The following PLEKHA7 variants were observed in gnomAD, a reference collection of about 807,000 sequenced individuals.
PLEKHA7 encodes the protein pleckstrin homology domain-containing family A member 7.
In PLEKHA7, 104 loss-of-function variants were observed where a neutral mutation model predicts 170.0. The ratio of observed to expected loss-of-function variants is 0.61; its 90% CI spans 0.52 to 0.72. The LOEUF (loss-of-function observed/expected upper bound fraction) is 0.72. Among genes scored for constraint, PLEKHA7 ranks in the 30% least tolerant of loss-of-function variants. PLEKHA7 has a pLI of 0.00. For synonymous variants in PLEKHA7, 648 were observed against 660.8 expected (o/e 0.98, Z 0.30); for missense variants, 1,615 against 1,671.7 (o/e 0.97, Z 0.59).
intron 3 of PLEKHA7, among the ~76,000 whole-genome samples, chr11:16,930,128 C>A (rs1215420676): frequency 6.6e-6 from 1 of 152,174 alleles, no homozygotes; most frequent in Non-Finnish European, 1.5e-5. Context: ...ACATTTTGAG[C>A]TTTCCAAGAA....
At chr11:16,863,298 A>T (rs1008586595) in intron 4 of PLEKHA7, among the ~76,000 whole-genome samples, 16 of 152,192 alleles carry the variant, frequency 1.1e-4, no homozygotes, top group African/African-American at 3.9e-4. Flanking sequence ...CGCTCACAAC[A>T]TTCCAGGAAA....
rs1309774494 is a variant in PLEKHA7, at chr11:16,960,745, C to CG, written c.221+53243dup. 2.6e-5 allele frequency among the ~76,000 whole-genome samples: 4 copies of CG among 152,264 alleles called. No homozygotes were observed. The East Asian group carries it at 7.7e-4, about 29-fold the overall frequency. On this transcript the variant is annotated intron_variant, in intron 3 of 26. Coordinates refer to ENST00000531066, the MANE Select transcript of PLEKHA7 (RefSeq NM_001329630.2). Reference sequence around the variant, plus strand: ...TTAAATAATAAATAACAAACAACAACGACTGTGTAACAGCTACACCCCATG... The same window carrying CG: ...TTAAATAATAAATAACAAACAACAACGGACTGTGTAACAGCTACACCCCATG...
At chr11:16,807,908 C>T (rs1482765355) in intron 13 of PLEKHA7, among the ~76,000 whole-genome samples, 1 of 152,186 alleles carries the variant, frequency 6.6e-6, no homozygotes, top group East Asian at 1.9e-4. Flanking sequence ...AAACACTCTC[C>T]TGAGTGATTC....
rs142707808 is a variant in PLEKHA7, at chr11:16,826,222, C to T, written c.1241G>A (p.Arg414Gln). Residue 414 changes from arginine (R) to glutamine (Q), a missense_variant, in exon 10 of 27, where the codon CGG becomes CAG. Coordinates refer to ENST00000531066, the MANE Select transcript of PLEKHA7 (RefSeq NM_001329630.2). Reference protein sequence around the residue: ...GEQNGTGGYQRAFPPRTNPEK... With the variant: ...GEQNGTGGYQQAFPPRTNPEK... ...AGGGTTGGTCCTGGGAGGAAAGGCC[C>T]GCTGGTACCCACCAGTCCCATTCTG... is the stretch of plus-strand genomic sequence containing the variant. 4.9e-5 allele frequency: 79 copies of T among 1,614,222 alleles called. No homozygotes were observed. The highest frequency in any genetic ancestry group is 2.2e-4 in the Admixed American group (13 of 60,024).
intron 3 of PLEKHA7, among the ~76,000 whole-genome samples, chr11:16,942,901 T>C (rs1433672636): frequency 6.6e-6 from 1 of 152,230 alleles, no homozygotes; most frequent in African/African-American, 2.4e-5. Flanking sequence ...TTCTATTTCA[T>C]AAATTTCTAC....
chr11:16,786,741 C>T, intron 23 of PLEKHA7: 1 of 985,434 alleles, frequency 1.0e-6, no homozygotes, highest in Non-Finnish European at 1.2e-6. Flanking sequence ...CCCTTCCACT[C>T]TCTACAGCTG....
intron 3 of PLEKHA7, among the ~76,000 whole-genome samples, chr11:16,911,474 G>C (rs193143957): frequency 6.6e-6 from 1 of 152,130 alleles, no homozygotes; most frequent in Non-Finnish European, 1.5e-5. Context: ...GTGTGCATTA[G>C]CCAAAAAGGA....
chr11:16,840,223 C>T (rs1036974325), intron 9 of PLEKHA7, among the ~76,000 whole-genome samples: 3 of 152,134 alleles, frequency 2.0e-5, no homozygotes, highest in Non-Finnish European at 1.5e-5. Context: ...CACTCACTCA[C>T]CAGACATTTG....
chr11:16,854,337 G>C (rs566703560), intron 6 of PLEKHA7, among the ~76,000 whole-genome samples: 1 of 152,320 alleles, frequency 6.6e-6, no homozygotes, highest in East Asian at 1.9e-4. Flanking sequence ...TCTGGTGATA[G>C]TGCTGAGGTT....
chr11:16,937,405 A>G (rs1860379177), intron 3 of PLEKHA7, among the ~76,000 whole-genome samples: 1 of 152,228 alleles, frequency 6.6e-6, no homozygotes, highest in South Asian at 2.1e-4. Flanking sequence ...GAGAATGTAC[A>G]TCTATGATAA....
At chr11:17,007,894 C>T (rs1865106771) in intron 3 of PLEKHA7, among the ~76,000 whole-genome samples, 1 of 152,110 alleles carries the variant, frequency 6.6e-6, no homozygotes, top group Non-Finnish European at 1.5e-5. Flanking sequence ...TCAGTTGGTG[C>T]AAAAGTAATT....
intron 4 of PLEKHA7, among the ~76,000 whole-genome samples, chr11:16,861,980 C>T (rs1037043638): frequency 2.0e-5 from 3 of 150,952 alleles, no homozygotes; most frequent in African/African-American, 4.9e-5. Context: ...TTATCCCAAA[C>T]AGGCAGACAC....
At chr11:16,790,714 G>A (rs879765642) in intron 21 of PLEKHA7, 84 bp downstream of exon 21, 16 of 1,373,286 alleles carry the variant, frequency 1.2e-5, no homozygotes, top group Non-Finnish European at 1.6e-5. Context: ...AGAGCTGCAG[G>A]CAGAAGGGTA....
At chr11:16,911,309 G>A (rs1401526700) in intron 3 of PLEKHA7, among the ~76,000 whole-genome samples, 1 of 152,150 alleles carries the variant, frequency 6.6e-6, no homozygotes, top group East Asian at 1.9e-4. Flanking sequence ...AGGCTGACAG[G>A]GCCAGGGAGC....
At chr11:16,828,927 A>G (rs1467651585) in intron 9 of PLEKHA7, among the ~76,000 whole-genome samples, 1 of 152,204 alleles carries the variant, frequency 6.6e-6, no homozygotes, top group Non-Finnish European at 1.5e-5. Context: ...TAGAATCCTA[A>G]AAACTTGGCT....
At chr11:17,013,862 CGCGGCGCA>C in intron 3 of PLEKHA7, 119 bp downstream of exon 3, 2 of 1,130,116 alleles carry the variant, frequency 1.8e-6, no homozygotes, top group Non-Finnish European at 2.3e-6. Flanking sequence ...TGAGTGTGGC[CGCGGCGCA>C]GCGCGCGCCA....
At chr11:16,846,051 G>A (rs377741688) in intron 8 of PLEKHA7, among the ~76,000 whole-genome samples, 6 of 152,106 alleles carry the variant, frequency 3.9e-5, no homozygotes, top group Non-Finnish European at 8.8e-5. Flanking sequence ...TTTGGAGGCC[G>A]AGGCGGGTGG....
At chr11:16,862,785 T>C (rs1265268873) in intron 4 of PLEKHA7, among the ~76,000 whole-genome samples, 2 of 152,216 alleles carry the variant, frequency 1.3e-5, no homozygotes, top group African/African-American at 2.4e-5. Flanking sequence ...GCGACTATCA[T>C]AGACACTGTC....
chr11:16,922,565 T>C lies in PLEKHA7; in HGVS notation c.222-51383A>G, dbSNP rs1342112541. On this transcript the variant is annotated intron_variant, in intron 3 of 26. Transcript: ENST00000531066. ...TGGCTTCTTTTCCCTTCACCAGATA[T>C]AGTACAAACCCTAGGTTGGAACTTT... Among the ~76,000 whole-genome samples the C allele has an allele frequency of 2.6e-5, 4 of 152,334 alleles. No individual in the cohort carries two copies. In the East Asian group the frequency reaches 7.7e-4, roughly 29 times the overall value.
Sources: gnomAD v4.1 joint callset for allele counts (sites outside exome capture counted in the v4.1 genomes callset) on GRCh38, gnomAD v4.1.1 for gene constraint, MANE v1.5 for transcripts, NCBI Gene and HGNC (gene_info 2026-07-23, HGNC 2026-07-21) for gene names.